Variants in FANCM observed in about 807,000 individuals in gnomAD.
The protein encoded by FANCM is Fanconi anemia group M protein.
In FANCM, 140 loss-of-function variants were observed where a neutral mutation model predicts 199.5. The ratio of observed to expected loss-of-function variants is 0.70; its 90% CI spans 0.61 to 0.81. The LOEUF (loss-of-function observed/expected upper bound fraction) is 0.81, where lower values mean the gene tolerates loss of function less well. Ranked by LOEUF, FANCM falls within the 30% of genes least tolerant of loss-of-function variation. The probability of loss-of-function intolerance (pLI) is 0.00; values close to 1 mark genes in which losing one functional copy is unlikely to be tolerated. For missense variants in FANCM, 2,410 were observed against 2,421.4 expected (o/e 1.00, Z 0.10); for synonymous variants, 840 against 836.8 (o/e 1.00, Z -0.07).
At chr14:45,151,254 T>C (rs887164818) in intron 4 of FANCM, 143 bp from the exon 5 acceptor site, 2 of 669,342 alleles carry the variant, frequency 3.0e-6, no homozygotes, top group Non-Finnish European at 5.1e-6. Context: ...TTTTAAATGT[T>C]ATCATTGCTG....
intron 9 of FANCM, among the ~76,000 whole-genome samples, chr14:45,159,602 T>C (rs1222019953): frequency 6.6e-6 from 1 of 152,224 alleles, no homozygotes; most frequent in Non-Finnish European, 1.5e-5. Context: ...TCTGTAAACA[T>C]ACATCATAGA....
At position 45,176,130 on chromosome 14, in the gene FANCM, T is replaced by C; in HGVS notation, c.3376T>C (p.Leu1126=). 6.2e-7 allele frequency: 1 copy of C among 1,613,952 alleles called. No homozygotes were observed. Among genetic ancestry groups the C allele is most frequent in the South Asian group, 1.1e-5 (1 of 91,084 alleles). ...HDVDNSDLPV[L]STDQDESLLL... is the part of the protein sequence containing the mutation. Reference sequence around the variant, plus strand: ...TGTTGATAACAGTGACCTCCCAGTATTGTCCACTGATCAAGATGAAAGTTT... The same window carrying C: ...TGTTGATAACAGTGACCTCCCAGTACTGTCCACTGATCAAGATGAAAGTTT... The change falls in exon 14 of 23, where the codon TTG becomes CTG. Residue 1126 remains leucine (L), a synonymous_variant. Transcript: ENST00000267430.
intron 8 of FANCM, among the ~76,000 whole-genome samples, chr14:45,157,408 A>G (rs1047069119): frequency 1.3e-5 from 2 of 152,234 alleles, no homozygotes; most frequent in African/African-American, 4.8e-5. Context: ...AAGAATATCA[A>G]CAGTTAAGAG....
At position 45,167,040 on chromosome 14, in the gene FANCM, C is replaced by A. The variant is rs374626826; in HGVS notation, c.1879C>A (p.Arg627=). 6.2e-7 allele frequency: 1 copy of A among 1,611,494 alleles called. No individual in the cohort carries two copies. Among genetic ancestry groups the A allele is most frequent in the Non-Finnish European group, 8.5e-7 (1 of 1,177,652 alleles). ...CCTTCATTTTTACCAAAGAAGTCCA[C>A]GAATGGTTCCTGATGGAATCAACCC... The part of the protein sequence containing the change: ...QVLHFYQRSP[R]MVPDGINPKL... The change falls in exon 11 of 23, where the codon CGA becomes AGA. Residue 627 remains arginine (R), a synonymous_variant. Coordinates refer to ENST00000267430, the MANE Select transcript of FANCM (RefSeq NM_020937.4).
chr14:45,190,523 GTCT>G (rs939259549), intron 20 of FANCM, among the ~76,000 whole-genome samples: 3 of 152,088 alleles, frequency 2.0e-5, no homozygotes, highest in Non-Finnish European at 2.9e-5. Context: ...ATTAACTATA[GTCT>G]TCTTATCTGA....
At chr14:45,154,119 G>A in intron 6 of FANCM, 67 bp downstream of exon 6, 1 of 1,225,162 alleles carries the variant, frequency 8.2e-7, no homozygotes, top group Non-Finnish European at 1.2e-6. Context: ...CATATTGAAG[G>A]GCTGGGCACA....
intron 21 of FANCM, among the ~76,000 whole-genome samples, chr14:45,197,976 C>G (rs755173079): frequency 6.6e-6 from 1 of 150,626 alleles, no homozygotes; most frequent in African/African-American, 2.5e-5. Flanking sequence ...ACCATGTTGG[C>G]CAGGATGGTC....
intron 13 of FANCM, among the ~76,000 whole-genome samples, chr14:45,174,496 G>T (rs1888538516): frequency 6.6e-6 from 1 of 152,050 alleles, no homozygotes; most frequent in South Asian, 2.1e-4. Context: ...GGTGGAGATT[G>T]TAAGTTTTAG....
intron 18 of FANCM, among the ~76,000 whole-genome samples, chr14:45,185,614 G>A (rs191370078): frequency 2.0e-5 from 3 of 152,196 alleles, no homozygotes; most frequent in Admixed American, 6.5e-5. Flanking sequence ...GCTCAAGTGT[G>A]AAATGTTCAT....
intron 20 of FANCM, among the ~76,000 whole-genome samples, chr14:45,194,165 C>T (rs943068200): frequency 6.6e-5 from 10 of 151,668 alleles, no homozygotes; most frequent in African/African-American, 2.4e-4. Context: ...AGCCAGGTGT[C>T]GTGGCAGGTG....
At chr14:45,139,496 A>C (rs1885758629) in intron 2 of FANCM, among the ~76,000 whole-genome samples, 1 of 152,184 alleles carries the variant, frequency 6.6e-6, no homozygotes, top group African/African-American at 2.4e-5. Flanking sequence ...TGTATTGGGA[A>C]ATGAAGTGGT....
chr14:45,159,239 G>A lies in FANCM; in HGVS notation c.1540G>A (p.Gly514Arg), dbSNP rs559846155. 1 of 1,613,830 alleles carries A rather than the reference G, an allele frequency of 6.2e-7. No homozygotes were observed. Among genetic ancestry groups the A allele is most frequent in the South Asian group, 1.1e-5 (1 of 91,016 alleles). ...AATGACTTTTGTCGGCCATGCCTCAGGGAAAAGCACGAAGGGTTTTACCCA... is the reference window on the plus strand; with the variant it reads ...AATGACTTTTGTCGGCCATGCCTCAAGGAAAAGCACGAAGGGTTTTACCCA... ...RVMTFVGHASGKSTKGFTQKE... is the reference protein window; with the variant it reads ...RVMTFVGHASRKSTKGFTQKE... Residue 514 changes from glycine to arginine, a missense_variant, in exon 9 of 23, where the codon GGG becomes AGG. Physicochemically the swap from Gly to Arg is moderately radical, Grantham distance 125. Transcript: ENST00000267430.
chr14:45,144,567 C>T (rs930567548), intron 3 of FANCM, among the ~76,000 whole-genome samples: 2 of 152,154 alleles, frequency 1.3e-5, no homozygotes, highest in Admixed American at 1.3e-4. Context: ...AAGATGAAGT[C>T]CTTCTCACTC....
At chr14:45,136,967 A>C in intron 1 of FANCM, 102 bp from the exon 2 acceptor site, 2 of 891,962 alleles carry the variant, frequency 2.2e-6, no homozygotes, top group South Asian at 2.7e-5. Context: ...TTTTTCTCTT[A>C]ATGTTACCAA....
intron 11 of FANCM, 28 bp downstream of exon 11, chr14:45,167,191 C>CAAA: frequency 1.5e-6 from 2 of 1,292,378 alleles, no homozygotes; most frequent in Non-Finnish European, 2.3e-6. Context: ...TTGACACATG[C>CAAA]ATTTTTCCCC....
intron 9 of FANCM, among the ~76,000 whole-genome samples, 154 bp from the exon 10 acceptor site, chr14:45,164,205 A>T (rs1887799894): frequency 6.6e-6 from 1 of 152,122 alleles, no homozygotes; most frequent in African/African-American, 2.4e-5. Context: ...TTGTCCTCCC[A>T]AAGTGTTGAC....
At position 45,175,981 on chromosome 14, in the gene FANCM, A is replaced by G. The variant is rs745866941; in HGVS notation, c.3227A>G (p.Asp1076Gly). 2 of 1,613,604 alleles carry G rather than the reference A, an allele frequency of 1.2e-6. No individual in the cohort carries two copies. The highest frequency in any genetic ancestry group is 1.3e-5 in the African/African-American group (1 of 74,922). ...GATATACCTAATGATAATATTTCTG[A>G]TGAGCCAAGTCTCTGTGACTGTGAT... The part of the protein sequence containing the change: ...LYDIPNDNIS[D>G]EPSLCDCDVH... The change falls in exon 14 of 23, where the codon GAT becomes GGT. Residue 1076 changes from aspartate to glycine, a missense_variant. Transcript: ENST00000267430.
chr14:45,168,360 G>T lies in FANCM; in HGVS notation c.2002+1197G>T, dbSNP rs375582913. Among the ~76,000 whole-genome samples the T allele has an allele frequency of 3.9e-5, 6 of 152,042 alleles. No homozygotes were observed. In the East Asian group the frequency reaches 1.2e-3, roughly 29 times the overall value. ...CACAGCATGTCTTTTGAGTTTTCTTGAATTTGATAAATTAATAAAAGCATC... is the reference window on the plus strand; with the variant it reads ...CACAGCATGTCTTTTGAGTTTTCTTTAATTTGATAAATTAATAAAAGCATC... On this transcript the variant is annotated intron_variant, in intron 11 of 22. Coordinates refer to ENST00000267430, the MANE Select transcript of FANCM (RefSeq NM_020937.4).
In FANCM at chr14:45,136,394, C is replaced by T. The variant is rs1885506870; in HGVS notation, c.363C>T (p.Ala121=). The T allele has an allele frequency of 6.2e-7, 1 of 1,614,148 alleles. No individual in the cohort carries two copies. Among genetic ancestry groups the T allele is most frequent in the Non-Finnish European group, 8.5e-7 (1 of 1,180,022 alleles). Residue 121 remains alanine, a synonymous_variant, in exon 1 of 23, where the codon GCC becomes GCT. Transcript: ENST00000267430. The stretch of plus-strand genomic sequence containing the variant: ...CCGGACTGGGAAAGACCTTTATTGC[C>T]GCCGTGGTCATGTACAATTTCTACC... ...LPTGLGKTFI[A]AVVMYNFYRW... is the part of the protein sequence containing the mutation.
Sources: gnomAD v4.1 joint callset for allele counts (sites outside exome capture counted in the v4.1 genomes callset) on GRCh38, gnomAD v4.1.1 for gene constraint, MANE v1.5 for transcripts, NCBI Gene and HGNC (gene_info 2026-07-23, HGNC 2026-07-21) for gene names.